MOB1B: variants seen among roughly 807,000 people sequenced by gnomAD.
MOB1B encodes the protein MOB kinase activator 1B, also known as MOB1 Mps One Binder homolog B.
In MOB1B, 19 loss-of-function variants were observed where a neutral mutation model predicts 24.4. That is an observed-to-expected ratio of 0.78 (90% CI 0.54 to 1.14). The LOEUF is 1.14. Ranked by LOEUF, MOB1B falls within the 50% of genes most tolerant of loss-of-function variation. The pLI is 0.00. For synonymous variants in MOB1B, 76 were observed against 82.1 expected, an observed-to-expected ratio of 0.93 and a Z score of 0.40; for missense variants, 243 against 259.6, an observed-to-expected ratio of 0.94 and a Z score of 0.44.
At chr4:70,933,708 C>T (rs1030775903) in intron 1 of MOB1B, among the ~76,000 whole-genome samples, 2 of 151,756 alleles carry the variant, frequency 1.3e-5, no homozygotes, top group Non-Finnish European at 2.9e-5. Flanking sequence ...CCCGCTACCA[C>T]GCCTGGCTAA....
intron 3 of MOB1B, among the ~76,000 whole-genome samples, chr4:70,974,292 T>C (rs577690048): frequency 6.6e-6 from 1 of 152,046 alleles, no homozygotes; most frequent in Non-Finnish European, 1.5e-5. Flanking sequence ...TTAGTAGAGA[T>C]GGGGTTTCAC....
At chr4:70,920,388 C>G (rs917626340) in intron 1 of MOB1B, among the ~76,000 whole-genome samples, 1 of 152,120 alleles carries the variant, frequency 6.6e-6, no homozygotes, top group African/African-American at 2.4e-5. Flanking sequence ...CCATGCCTGG[C>G]TAATTTTTGT....
Position 70,975,334 on chromosome 4 carries a change from A to C in MOB1B, c.409+48A>C, listed in dbSNP as rs776623341. The C allele has an allele frequency of 5.3e-5, 85 of 1,595,230 alleles. No homozygotes were observed. In the East Asian group the frequency reaches 1.8e-3, roughly 34 times the overall value. ...GGATCCATCATGATTTATCTTTTAT[A>C]TGTTTATAGAATTTTCCTCCCTCTT... On this transcript the variant is annotated intron_variant, in intron 4 of 5. Coordinates refer to ENST00000309395, the MANE Select transcript of MOB1B (RefSeq NM_173468.4).
intron 3 of MOB1B, among the ~76,000 whole-genome samples, chr4:70,973,464 T>G (rs1308875566): frequency 8.1e-6 from 1 of 123,864 alleles, no homozygotes; most frequent in Non-Finnish European, 1.6e-5. Context: ...AGCAAGACCC[T>G]GTCTCAAAAA....
intron 1 of MOB1B, among the ~76,000 whole-genome samples, chr4:70,952,514 G>C (rs779200085): frequency 6.6e-6 from 1 of 151,390 alleles, no homozygotes; most frequent in Non-Finnish European, 1.5e-5. Context: ...GTGGTGGCGG[G>C]TGCCTGTAGA....
At chr4:70,974,576 G>A (rs946596006) in intron 3 of MOB1B, among the ~76,000 whole-genome samples, 23 of 152,100 alleles carry the variant, frequency 1.5e-4, no homozygotes, top group Non-Finnish European at 4.4e-5. Flanking sequence ...GGATGGTGGT[G>A]TTCTGCTAAT....
chr4:70,935,727 A>G (rs550189397), intron 1 of MOB1B, among the ~76,000 whole-genome samples: 1 of 150,950 alleles, frequency 6.6e-6, no homozygotes, highest in African/African-American at 2.4e-5. Context: ...GCTCACTGCA[A>G]TTTCTGCCTC....
intron 1 of MOB1B, among the ~76,000 whole-genome samples, chr4:70,947,627 T>C (rs1327717286): frequency 6.6e-6 from 1 of 152,122 alleles, no homozygotes; most frequent in Non-Finnish European, 1.5e-5. Context: ...AGCAGAATTT[T>C]ATTTATTTAT....
chr4:70,931,158 A>G (rs531106825), intron 1 of MOB1B, among the ~76,000 whole-genome samples: 13 of 152,248 alleles, frequency 8.5e-5, no homozygotes, highest in African/African-American at 3.1e-4. Context: ...TGCTTAAAGC[A>G]TTGGTGATCT....
At chr4:70,963,208 G>T (rs1738373512) in intron 2 of MOB1B, among the ~76,000 whole-genome samples, 1 of 151,856 alleles carries the variant, frequency 6.6e-6, no homozygotes, top group South Asian at 2.1e-4. Flanking sequence ...TCTAAGAAAA[G>T]AATAAGTTAG....
chr4:70,965,891 A>G (rs1334062314), intron 2 of MOB1B, among the ~76,000 whole-genome samples: 1 of 151,788 alleles, frequency 6.6e-6, no homozygotes, highest in Non-Finnish European at 1.5e-5. Context: ...TAATTGAAAT[A>G]ACCTAATTCT....
chr4:70,923,314 T>C (rs995423493), intron 1 of MOB1B, among the ~76,000 whole-genome samples: 4 of 152,086 alleles, frequency 2.6e-5, no homozygotes, highest in Admixed American at 2.6e-4. Flanking sequence ...CATCCTCCTA[T>C]GGGGTCCAGT....
chr4:70,971,533 G>A (rs1738755059), intron 3 of MOB1B, among the ~76,000 whole-genome samples: 1 of 150,126 alleles, frequency 6.7e-6, no homozygotes, highest in Non-Finnish European at 1.5e-5. Context: ...GTAATTTAAA[G>A]ACATAGGTGT....
Position 70,902,510 on chromosome 4 carries a change from G to T in MOB1B, c.-27G>T. ...GCCGCTCCGAGGCCTCGCGACCGCC[G>T]AGCCTGCAGCCTGCCCCGCGGCCAA... On this transcript the variant is annotated 5_prime_UTR_variant, in exon 1 of 6. Transcript: ENST00000309395. The T allele has an allele frequency of 6.4e-7, 1 of 1,560,488 alleles. No homozygotes were observed. The highest frequency in any genetic ancestry group is 1.4e-5 in the African/African-American group (1 of 73,760).
At chr4:70,959,146 T>C (rs1408664009) in intron 2 of MOB1B, 106 bp downstream of exon 2, 1 of 838,040 alleles carries the variant, frequency 1.2e-6, no homozygotes, top group South Asian at 1.9e-5. Context: ...TAAGCTAATA[T>C]CATAAAAGAG....
Position 70,959,690 on chromosome 4 carries a change from G to A in MOB1B, c.181+650G>A, listed in dbSNP as rs559236518. On this transcript the variant is annotated intron_variant, in intron 2 of 5. Transcript: ENST00000309395. ...TTTATCTTTATAACCTTATGATGTA[G>A]GTATGATTATTATTTCGGTTTAATA... 4.1e-4 allele frequency among the ~76,000 whole-genome samples: 63 copies of A among 152,118 alleles called. 2 individuals are homozygous for A. In the South Asian group the frequency reaches 0.013, roughly 31 times the overall value.
At chr4:70,976,529 T>C (rs1276959683) in intron 4 of MOB1B, 2 of 985,108 alleles carry the variant, frequency 2.0e-6, no homozygotes, top group African/African-American at 1.7e-5. Context: ...GTTTAGATAG[T>C]CATGTTTTTG....
intron 1 of MOB1B, among the ~76,000 whole-genome samples, chr4:70,934,949 T>C (rs1189349350): frequency 1.3e-5 from 2 of 151,916 alleles, no homozygotes; most frequent in Admixed American, 6.6e-5. Context: ...TATTATTATA[T>C]GTATATTTTT....
At chr4:70,932,631 A>T (rs550973127) in intron 1 of MOB1B, among the ~76,000 whole-genome samples, 3 of 152,308 alleles carry the variant, frequency 2.0e-5, no homozygotes, top group Non-Finnish European at 1.5e-5. Context: ...GTGGAGTTGC[A>T]GTGTGATTCC....
Sources: gnomAD v4.1 joint callset for allele counts (sites outside exome capture counted in the v4.1 genomes callset) on GRCh38, gnomAD v4.1.1 for gene constraint, MANE v1.5 for transcripts, NCBI Gene and HGNC (gene_info 2026-07-23, HGNC 2026-07-21) for gene names.